MYRFL: variants seen among roughly 807,000 people sequenced by gnomAD.
MYRFL encodes the protein myelin regulatory factor like.
MYRFL carries 88 observed loss-of-function variants against 109.4 expected under a neutral mutation model. That is an observed-to-expected ratio of 0.80 (90% CI 0.68 to 0.96). The LOEUF is 0.96. MYRFL is among the 40% of genes least tolerant of loss of function. The pLI is 0.00. For missense variants in MYRFL, 957 were observed against 954.9 expected (o/e 1.00, Z -0.03); for synonymous variants, 324 against 320.9 (o/e 1.01, Z -0.10).
At chr12:69,938,170 T>A (rs1035680063) in intron 19 of MYRFL, among the ~76,000 whole-genome samples, 7 of 152,242 alleles carry the variant, frequency 4.6e-5, no homozygotes, top group Admixed American at 3.3e-4. Flanking sequence ...TCAATATTTT[T>A]AAATATGAAA....
chr12:69,857,347 CTG>C (rs1884359790), intron 2 of MYRFL, among the ~76,000 whole-genome samples: 1 of 151,846 alleles, frequency 6.6e-6, no homozygotes, highest in Non-Finnish European at 1.5e-5. Flanking sequence ...AATTTTTCTT[CTG>C]TTTCAATATT....
intron 13 of MYRFL, among the ~76,000 whole-genome samples, chr12:69,922,913 CTCTGGAATTTATTA>C (rs1954957461): frequency 6.6e-6 from 1 of 152,034 alleles, no homozygotes; most frequent in Non-Finnish European, 1.5e-5. Flanking sequence ...TTCATTTATT[CTCTGGAATTTATTA>C]TCTGGAATAC....
chr12:69,884,894 A>T (rs749525538), intron 5 of MYRFL, among the ~76,000 whole-genome samples: 30 of 152,196 alleles, frequency 2.0e-4, no homozygotes, highest in Admixed American at 5.2e-4. Context: ...TGCAGATGAA[A>T]AAACTGAAGC....
At chr12:69,957,442 T>TATCA (rs1196661570) in intron 22 of MYRFL, among the ~76,000 whole-genome samples, 2 of 152,152 alleles carry the variant, frequency 1.3e-5, no homozygotes, top group African/African-American at 4.8e-5. Context: ...TTTTAAAAAC[T>TATCA]ATCATACACA....
intron 1 of MYRFL, among the ~76,000 whole-genome samples, chr12:69,829,876 T>C (rs1882516801): frequency 6.6e-6 from 1 of 152,094 alleles, no homozygotes; most frequent in African/African-American, 2.4e-5. Flanking sequence ...CCGAATGCAG[T>C]GTAGAGAACA....
rs2307087 is a variant in MYRFL at position 69,958,241 on chromosome 12, C to T, written c.2572-8C>T. On this transcript the variant is annotated splice_polypyrimidine_tract_variant and splice_region_variant and intron_variant, in intron 23 of 24. Coordinates refer to ENST00000552032, the MANE Select transcript of MYRFL (RefSeq NM_182530.3). ...TACGAAATGGATCCTCTTTTATTCACTATTTAGGGATATCAGCACATTTGG... is the reference window on the plus strand; with the variant it reads ...TACGAAATGGATCCTCTTTTATTCATTATTTAGGGATATCAGCACATTTGG... 0.4 allele frequency: 606,462 copies of T among 1,529,074 alleles called. 122,077 individuals are homozygous for T. The highest frequency in any genetic ancestry group is 0.5 in the East Asian group (20,291 of 40,878). 94.7% of individuals were successfully genotyped at this position (1,529,074 alleles called of 1,614,324 possible).
chr12:69,878,861 T>C (rs1250569669), intron 2 of MYRFL, among the ~76,000 whole-genome samples, 167 bp from the exon 3 acceptor site: 4 of 152,140 alleles, frequency 2.6e-5, no homozygotes, highest in Admixed American at 6.5e-5. Flanking sequence ...GACACGACCT[T>C]GGGCCTGGTC....
intron 19 of MYRFL, among the ~76,000 whole-genome samples, chr12:69,945,866 A>G (rs1206456501): frequency 1.3e-5 from 2 of 148,520 alleles, no homozygotes; most frequent in Non-Finnish European, 3.0e-5. Flanking sequence ...GGGCGCCTGT[A>G]GTCCCAGCTA....
intron 16 of MYRFL, among the ~76,000 whole-genome samples, chr12:69,935,171 T>C (rs1955406498): frequency 6.6e-6 from 1 of 150,452 alleles, no homozygotes; most frequent in Non-Finnish European, 1.5e-5. Flanking sequence ...ATTTGTTCTT[T>C]ATAAGCACAT....
In MYRFL at chr12:69,839,280, A is replaced by G. The variant is rs1883115205; in HGVS notation, c.46+13717A>G. On this transcript the variant is annotated intron_variant, in intron 1 of 24. Coordinates refer to ENST00000552032, the MANE Select transcript of MYRFL (RefSeq NM_182530.3). ...TTGTAATTCATTTAAACTAGTTATC[A>G]TCATCTCAATTTCCCCCTCTCTTTT... is the stretch of plus-strand genomic sequence containing the variant. Among the ~76,000 whole-genome samples the G allele has an allele frequency of 2.0e-5, 3 of 152,088 alleles. No individual in the cohort carries two copies. In the South Asian group the frequency reaches 6.2e-4, roughly 31 times the overall value.
chr12:69,936,165 C>T lies in MYRFL; in HGVS notation c.1969C>T (p.Arg657Cys), dbSNP rs747841093. The T allele has an allele frequency of 3.2e-5, 47 of 1,465,036 alleles. No homozygotes were observed. Among genetic ancestry groups the T allele is most frequent in the Non-Finnish European group, 3.6e-5 (40 of 1,107,652 alleles). The allele number at this position is 1,465,036 out of a possible 1,614,324, so 90.8% of individuals were successfully genotyped here. ...YILSLKDQDRRVPNLPPSNIT... is the reference protein window; with the variant it reads ...YILSLKDQDRCVPNLPPSNIT... ...ACTTAGCTTAAAAGATCAAGACCGACGTGTCCCAAATCTCCCTCCAAGGTG... is the reference window on the plus strand; with the variant it reads ...ACTTAGCTTAAAAGATCAAGACCGATGTGTCCCAAATCTCCCTCCAAGGTG... Residue 657 changes from arginine to cysteine, a missense_variant, in exon 17 of 25, where the codon CGT becomes TGT. Physicochemically the swap from Arg to Cys is radical, Grantham distance 180. Coordinates refer to ENST00000552032, the MANE Select transcript of MYRFL (RefSeq NM_182530.3).
chr12:69,905,657 G>A (rs367757120), intron 11 of MYRFL, among the ~76,000 whole-genome samples: 50 of 152,090 alleles, frequency 3.3e-4, no homozygotes, highest in Middle Eastern at 3.4e-3. Context: ...TATATGTAAG[G>A]TATTTTTTAG....
chr12:69,848,066 A>G (rs1213726116), intron 1 of MYRFL, among the ~76,000 whole-genome samples: 3 of 152,222 alleles, frequency 2.0e-5, no homozygotes, highest in East Asian at 3.9e-4. Context: ...AGACTCTAGT[A>G]TAGAACATAG....
chr12:69,912,535 A>G (rs1954602661), intron 13 of MYRFL, among the ~76,000 whole-genome samples: 1 of 152,156 alleles, frequency 6.6e-6, no homozygotes, highest in Non-Finnish European at 1.5e-5. Flanking sequence ...TTCTGACTAC[A>G]TATAAGCAGA....
intron 16 of MYRFL, among the ~76,000 whole-genome samples, chr12:69,934,280 G>T (rs1955375766): frequency 1.3e-5 from 2 of 152,222 alleles, no homozygotes; most frequent in African/African-American, 4.8e-5. Flanking sequence ...GGCCACTCCA[G>T]GTGCTGATAC....
At chr12:69,916,664 C>T (rs998889669) in intron 13 of MYRFL, among the ~76,000 whole-genome samples, 1 of 152,154 alleles carries the variant, frequency 6.6e-6, no homozygotes, top group African/African-American at 2.4e-5. Flanking sequence ...TTCCCACTGG[C>T]CCTTTACTGG....
intron 19 of MYRFL, among the ~76,000 whole-genome samples, chr12:69,951,822 A>G (rs1468790776): frequency 6.6e-6 from 1 of 152,180 alleles, no homozygotes; most frequent in South Asian, 2.1e-4. Flanking sequence ...TAAAGGCCCT[A>G]TCAACAAACA....
intron 11 of MYRFL, among the ~76,000 whole-genome samples, chr12:69,905,086 AG>A (rs940586443): frequency 7.2e-5 from 11 of 152,340 alleles, no homozygotes; most frequent in African/African-American, 2.6e-4. Context: ...ATACATTTCC[AG>A]ATGTCAGTCC....
At chr12:69,847,502 A>G (rs1254529229) in intron 1 of MYRFL, among the ~76,000 whole-genome samples, 1 of 152,232 alleles carries the variant, frequency 6.6e-6, no homozygotes, top group Admixed American at 6.5e-5. Flanking sequence ...AGAAGAGAAA[A>G]CAAAACAAAG....
Sources: gnomAD v4.1 joint callset for allele counts (sites outside exome capture counted in the v4.1 genomes callset) on GRCh38, gnomAD v4.1.1 for gene constraint, MANE v1.5 for transcripts, NCBI Gene and HGNC (gene_info 2026-07-23, HGNC 2026-07-21) for gene names.